The following CSMD3 variants were observed in gnomAD, a reference collection of about 807,000 sequenced individuals.
CSMD3 encodes CUB and sushi domain-containing protein 3.
In CSMD3, 177 loss-of-function variants were observed where a neutral mutation model predicts 435.2. That is an observed-to-expected ratio of 0.41 (90% CI 0.36 to 0.46). The LOEUF (loss-of-function observed/expected upper bound fraction) is 0.46, where lower values mean the gene tolerates loss of function less well. Among genes scored for constraint, CSMD3 ranks in the 20% least tolerant of loss-of-function variants. The pLI is 0.34. For synonymous variants in CSMD3, 1,656 were observed against 1,520.5 expected (o/e 1.09, Z -2.07); for missense variants, 4,265 against 4,504.6 (o/e 0.95, Z 1.52).
chr8:113,207,412 C>T (rs150493826), intron 3 of CSMD3, among the ~76,000 whole-genome samples: 1,520 of 147,150 alleles, frequency 0.01, 22 homozygotes, highest in African/African-American at 0.036. Flanking sequence ...GATGGATCCT[C>T]GCTCTGTCAC....
chr8:113,101,793 G>C (rs2090337540), intron 4 of CSMD3, among the ~76,000 whole-genome samples: 1 of 151,996 alleles, frequency 6.6e-6, no homozygotes, highest in Admixed American at 6.6e-5. Context: ...TGTTATGACA[G>C]AGACTATCAT....
chr8:112,947,715 T>G (rs764830017), intron 9 of CSMD3, 75 bp downstream of exon 9: 26 of 713,452 alleles, frequency 3.6e-5, no homozygotes, highest in Non-Finnish European at 6.6e-5. Flanking sequence ...CTTTATATTA[T>G]TAGCTACTTT....
intron 5 of CSMD3, among the ~76,000 whole-genome samples, chr8:113,096,987 G>A (rs1314540520): frequency 6.6e-6 from 1 of 151,742 alleles, no homozygotes; most frequent in African/African-American, 2.4e-5. Flanking sequence ...TATTTATGTT[G>A]ATTACTGCTT....
chr8:112,950,153 C>A (rs1458964285), intron 8 of CSMD3, among the ~76,000 whole-genome samples: 1 of 151,754 alleles, frequency 6.6e-6, no homozygotes, highest in Non-Finnish European at 1.5e-5. Flanking sequence ...AGAGAAAAAA[C>A]ATTATTTTAA....
intron 11 of CSMD3, among the ~76,000 whole-genome samples, chr8:112,842,760 G>T (rs562979030): frequency 6.6e-6 from 1 of 151,710 alleles, no homozygotes; most frequent in East Asian, 1.9e-4. Flanking sequence ...TTAGCATCAA[G>T]AATGTAAAAT....
intron 38 of CSMD3, among the ~76,000 whole-genome samples, chr8:112,358,268 A>G (rs1330274370): frequency 6.6e-6 from 1 of 152,042 alleles, no homozygotes; most frequent in Non-Finnish European, 1.5e-5. Context: ...TCGGAAGTAA[A>G]CTGCTTTTGA....
chr8:113,363,544 T>A (rs1427407461), intron 1 of CSMD3, among the ~76,000 whole-genome samples: 1 of 152,186 alleles, frequency 6.6e-6, no homozygotes, highest in East Asian at 1.9e-4. Context: ...GAGGCTCTAG[T>A]GAAGGAGTTC....
At chr8:112,928,347 A>G (rs368067580) in intron 9 of CSMD3, among the ~76,000 whole-genome samples, 2 of 152,284 alleles carry the variant, frequency 1.3e-5, no homozygotes, top group East Asian at 3.9e-4. Context: ...CAAACCTTCA[A>G]GAGAAAGCAT....
At chr8:113,084,618 G>C (rs1352902103) in intron 5 of CSMD3, among the ~76,000 whole-genome samples, 1 of 72,368 alleles carries the variant, frequency 1.4e-5, no homozygotes, top group Non-Finnish European at 2.6e-5. Flanking sequence ...AATTTGAATG[G>C]AACCAAAAAA....
intron 27 of CSMD3, among the ~76,000 whole-genome samples, chr8:112,543,575 A>T (rs1268383690): frequency 6.6e-6 from 1 of 152,152 alleles, no homozygotes; most frequent in African/African-American, 2.4e-5. Flanking sequence ...ATTTATTAAA[A>T]AAAGGTGTTG....
At chr8:112,700,167 G>A in intron 13 of CSMD3, among the ~76,000 whole-genome samples, 1 of 152,126 alleles carries the variant, frequency 6.6e-6, no homozygotes, top group Admixed American at 6.6e-5. Context: ...TTCCGTAGTA[G>A]TTTTAAAACA....
At chr8:113,233,874 TGA>T (rs1443299306) in intron 3 of CSMD3, among the ~76,000 whole-genome samples, 1 of 152,000 alleles carries the variant, frequency 6.6e-6, no homozygotes, top group Admixed American at 6.6e-5. Flanking sequence ...TCCAGACTTC[TGA>T]GTTAGATAAA....
At chr8:112,773,467 G>A (rs1285372976) in intron 13 of CSMD3, among the ~76,000 whole-genome samples, 1 of 151,900 alleles carries the variant, frequency 6.6e-6, no homozygotes, top group Non-Finnish European at 1.5e-5. Flanking sequence ...GAGCCTCCAG[G>A]TAATAAGTTG....
In CSMD3 at chr8:112,513,645, C is replaced by T. The variant is rs546864045; in HGVS notation, c.4756+3389G>A. ...GAGCAGATGCCATTGGAAAAAAAGT[C>T]TATTAGGACTTGCTTGGCACAGGGT... is the stretch of plus-strand genomic sequence containing the variant. On this transcript the variant is annotated intron_variant, in intron 28 of 70. Coordinates refer to ENST00000297405, the MANE Select transcript of CSMD3 (RefSeq NM_198123.2). Among the ~76,000 whole-genome samples, 3 of 152,188 alleles carry T rather than the reference C, an allele frequency of 2.0e-5. No homozygotes were observed. The South Asian group carries it at 6.2e-4, about 32-fold the overall frequency.
At chr8:112,469,020 CAA>C (rs1383574760) in intron 32 of CSMD3, among the ~76,000 whole-genome samples, 2 of 151,902 alleles carry the variant, frequency 1.3e-5, no homozygotes, top group Admixed American at 1.3e-4. Flanking sequence ...AATTGACTGA[CAA>C]AGAGTATTTA....
chr8:112,227,253 T>C (rs923471818), intron 70 of CSMD3, among the ~76,000 whole-genome samples: 1 of 152,228 alleles, frequency 6.6e-6, no homozygotes, highest in African/African-American at 2.4e-5. Flanking sequence ...GAAGTACTGA[T>C]GCATGCTATA....
chr8:113,195,843 C>T (rs998788041), intron 3 of CSMD3, among the ~76,000 whole-genome samples: 1 of 132,458 alleles, frequency 7.5e-6, no homozygotes, highest in Admixed American at 7.4e-5. Flanking sequence ...ACACACACCC[C>T]CACACACACA....
intron 1 of CSMD3, among the ~76,000 whole-genome samples, chr8:113,420,350 T>G (rs2094603786): frequency 6.6e-6 from 1 of 152,100 alleles, no homozygotes; most frequent in African/African-American, 2.4e-5. Flanking sequence ...TTATATAATT[T>G]TTCAACATGC....
rs376537213 is a variant in CSMD3, at chr8:112,796,779, G to C, written c.1972+3383C>G. On this transcript the variant is annotated intron_variant, in intron 13 of 70. Coordinates refer to ENST00000297405, the MANE Select transcript of CSMD3 (RefSeq NM_198123.2). ...CATTTAGTTCACATCTTAAATAATAGTTTTGGCAAACAAAAAAAATCTCCT... is the reference window on the plus strand; with the variant it reads ...CATTTAGTTCACATCTTAAATAATACTTTTGGCAAACAAAAAAAATCTCCT... 2.3e-4 allele frequency among the ~76,000 whole-genome samples: 35 copies of C among 152,036 alleles called. 1 individual carries two copies. The highest frequency in any genetic ancestry group is 7.2e-4 in the African/African-American group (30 of 41,532).
Sources: allele counts gnomAD v4.1 joint callset (sites outside exome capture counted in the v4.1 genomes callset), GRCh38; gene constraint gnomAD v4.1.1; transcripts MANE v1.5; gene names NCBI Gene and HGNC (gene_info 2026-07-23, HGNC 2026-07-21).